The following HNF1B variants were observed in gnomAD, a reference collection of about 807,000 sequenced individuals.
HNF1B encodes HNF1 homeobox B.
A neutral mutation model predicts 61.7 loss-of-function variants in HNF1B; 8 were observed. The observed-to-expected ratio is 0.13, with a 90% CI of 0.08 to 0.23. The LOEUF is 0.23. Ranked by LOEUF, HNF1B falls within the 10% of genes least tolerant of loss-of-function variation. HNF1B has a pLI of 1.00. For missense variants in HNF1B, 562 were observed against 714.5 expected, an observed-to-expected ratio of 0.79 and a Z score of 2.43; for synonymous variants, 314 against 287.7, an observed-to-expected ratio of 1.09 and a Z score of -0.93.
At chr17:37,704,888 C>A in intron 6 of HNF1B, 29 bp downstream of exon 6, 1 of 1,613,618 alleles carries the variant, frequency 6.2e-7, no homozygotes, top group Non-Finnish European at 8.5e-7. Context: ...TCCCTGCCCC[C>A]AAGTTTTCCA....
intron 7 of HNF1B, among the ~76,000 whole-genome samples, chr17:37,700,597 G>A (rs1254742090): frequency 6.6e-6 from 1 of 152,206 alleles, no homozygotes; most frequent in Admixed American, 6.5e-5. Flanking sequence ...ATGGCTGCTT[G>A]GAAGTTTAGA....
intron 2 of HNF1B, among the ~76,000 whole-genome samples, chr17:37,735,451 A>G (rs1032231436): frequency 1.8e-4 from 28 of 152,138 alleles, no homozygotes; most frequent in Admixed American, 1.4e-3. Flanking sequence ...TTAACTGTGG[A>G]CTGATGGTGT....
chr17:37,736,678 G>A (rs1017331727), intron 2 of HNF1B, among the ~76,000 whole-genome samples: 9 of 152,228 alleles, frequency 5.9e-5, no homozygotes, highest in African/African-American at 2.2e-4. Context: ...TGTCTGGTGG[G>A]TGTGAGACAC....
At chr17:37,714,285 C>T (rs183419431) in intron 4 of HNF1B, among the ~76,000 whole-genome samples, 5 of 152,190 alleles carry the variant, frequency 3.3e-5, no homozygotes, top group African/African-American at 4.8e-5. Flanking sequence ...AGGCTGAGGT[C>T]GTGCCACTTT....
intron 5 of HNF1B, among the ~76,000 whole-genome samples, chr17:37,707,980 T>C (rs749051344): frequency 6.6e-6 from 1 of 152,148 alleles, no homozygotes; most frequent in African/African-American, 2.4e-5. Context: ...AGATTGTCAT[T>C]CCTAGAACAG....
At chr17:37,700,148 C>T (rs1047823104) in intron 7 of HNF1B, among the ~76,000 whole-genome samples, 3 of 152,206 alleles carry the variant, frequency 2.0e-5, no homozygotes. Context: ...CCAGGTCTGT[C>T]TGATCTAAGA....
chr17:37,734,073 T>G (rs1855237350), intron 2 of HNF1B, among the ~76,000 whole-genome samples: 1 of 152,220 alleles, frequency 6.6e-6, no homozygotes. Flanking sequence ...CAGCTATAGT[T>G]TTAAGAAAAT....
At chr17:37,711,258 A>G (rs1017813466) in intron 4 of HNF1B, among the ~76,000 whole-genome samples, 2 of 152,182 alleles carry the variant, frequency 1.3e-5, no homozygotes, top group Admixed American at 6.5e-5. Flanking sequence ...GCAGAGCAGG[A>G]CAGGGATGAA....
At chr17:37,710,782 C>T (rs555657345) in intron 4 of HNF1B, 119 bp from the exon 5 acceptor site, 1 of 907,526 alleles carries the variant, frequency 1.1e-6, no homozygotes, top group South Asian at 1.4e-5. Context: ...TTTCTCCTCC[C>T]CTGTCCACCC....
intron 4 of HNF1B, among the ~76,000 whole-genome samples, chr17:37,710,934 T>C (rs2032915355): frequency 2.6e-5 from 4 of 152,234 alleles, no homozygotes; most frequent in African/African-American, 7.2e-5. Flanking sequence ...TGGCACTGAA[T>C]AGCCACTCGG....
At chr17:37,696,957 G>A (rs1202170871) in intron 8 of HNF1B, among the ~76,000 whole-genome samples, 1 of 152,154 alleles carries the variant, frequency 6.6e-6, no homozygotes. Context: ...AACGTTTCCT[G>A]AGTGGAATAT....
chr17:37,689,785 T>C (rs1479476674), intron 8 of HNF1B, among the ~76,000 whole-genome samples: 7 of 152,212 alleles, frequency 4.6e-5, no homozygotes, highest in Non-Finnish European at 1.0e-4. Context: ...CCAGGCACCA[T>C]ACCAAGGGCT....
At chr17:37,710,437 GA>G in intron 5 of HNF1B, 65 bp downstream of exon 5, 1 of 1,574,666 alleles carries the variant, frequency 6.4e-7, no homozygotes, top group Non-Finnish European at 8.7e-7. Flanking sequence ...GGCCTTGTGA[GA>G]AGTTGTGTTT....
chr17:37,716,537 C>G (rs1398178043), intron 4 of HNF1B, among the ~76,000 whole-genome samples: 1 of 152,116 alleles, frequency 6.6e-6, no homozygotes, highest in East Asian at 1.9e-4. Flanking sequence ...TCCCGTAAGC[C>G]CTGTGGTTCT....
Position 37,716,446 on chromosome 17 carries a change from G to A in HNF1B, c.1046-5783C>T, listed in dbSNP as rs189261728. Reference sequence around the variant, plus strand: ...ACTCCTGACCTCAAGTGATCCGCCCGCCTCAGCCTCCCAAAGTGCTGGGAT... The same window carrying A: ...ACTCCTGACCTCAAGTGATCCGCCCACCTCAGCCTCCCAAAGTGCTGGGAT... On this transcript the variant is annotated intron_variant, in intron 4 of 8. Transcript: ENST00000617811. Among the ~76,000 whole-genome samples, 125 of 152,210 alleles carry A rather than the reference G, an allele frequency of 8.2e-4. 1 individual carries two copies. The highest frequency in any genetic ancestry group is 2.7e-3 in the African/African-American group (112 of 41,546).
At chr17:37,737,577 C>T in intron 2 of HNF1B, among the ~76,000 whole-genome samples, 1 of 151,982 alleles carries the variant, frequency 6.6e-6, no homozygotes, top group Non-Finnish European at 1.5e-5. Context: ...CCTGTAATCC[C>T]AGCACTTTGG....
chr17:37,706,552 T>C (rs1206035230), intron 5 of HNF1B, among the ~76,000 whole-genome samples: 1 of 152,088 alleles, frequency 6.6e-6, no homozygotes, highest in East Asian at 1.9e-4. Context: ...ACAGGTTTGT[T>C]TGTGTTTTTA....
chr17:37,739,289 C>CA, intron 2 of HNF1B, 151 bp downstream of exon 2: 1 of 761,438 alleles, frequency 1.3e-6, no homozygotes, highest in Non-Finnish European at 2.3e-6. Flanking sequence ...CATTGTACAG[C>CA]AACCACCAAG....
intron 8 of HNF1B, among the ~76,000 whole-genome samples, chr17:37,695,725 A>G (rs1391985649): frequency 6.6e-6 from 1 of 152,250 alleles, no homozygotes; most frequent in Non-Finnish European, 1.5e-5. Flanking sequence ...TGGGTTTCAG[A>G]CTTGCATGGG....
Sources: allele counts gnomAD v4.1 joint callset (sites outside exome capture counted in the v4.1 genomes callset), GRCh38; gene constraint gnomAD v4.1.1; transcripts MANE v1.5; gene names NCBI Gene and HGNC (gene_info 2026-07-23, HGNC 2026-07-21).